CTNNA3: variants seen among roughly 807,000 people sequenced by gnomAD.
CTNNA3 encodes catenin alpha 3, also known as catenin alpha-3.
In CTNNA3, 76 loss-of-function variants were observed where a neutral mutation model predicts 95.7. The observed-to-expected ratio is 0.79, with a 90% CI of 0.66 to 0.96. The LOEUF is 0.96. Ranked by LOEUF, CTNNA3 falls within the 40% of genes least tolerant of loss-of-function variation. CTNNA3 has a pLI of 0.00. For missense variants in CTNNA3, 1,191 were observed against 1,089.8 expected, an observed-to-expected ratio of 1.09 and a Z score of -1.31; for synonymous variants, 431 against 374.4, an observed-to-expected ratio of 1.15 and a Z score of -1.74.
chr10:66,584,053 T>G (rs954086698), intron 10 of CTNNA3, among the ~76,000 whole-genome samples: 1 of 151,764 alleles, frequency 6.6e-6, no homozygotes, highest in Non-Finnish European at 1.5e-5. Context: ...AAACTTAATA[T>G]GATTTTGATT....
intron 5 of CTNNA3, among the ~76,000 whole-genome samples, chr10:67,226,989 C>T (rs937585439): frequency 6.6e-6 from 1 of 152,020 alleles, no homozygotes; most frequent in African/African-American, 2.4e-5. Flanking sequence ...CTGCTGCCTT[C>T]AGAAGACTCA....
At chr10:66,594,625 A>G (rs182485446) in intron 10 of CTNNA3, among the ~76,000 whole-genome samples, 5 of 152,196 alleles carry the variant, frequency 3.3e-5, no homozygotes, top group Admixed American at 2.0e-4. Flanking sequence ...TTTTTCCTTT[A>G]TGCTATAAAA....
chr10:67,339,728 T>G (rs1842111828), intron 5 of CTNNA3, among the ~76,000 whole-genome samples: 1 of 152,190 alleles, frequency 6.6e-6, no homozygotes, highest in Non-Finnish European at 1.5e-5. Flanking sequence ...TTGAAATAGC[T>G]GTTATTAAAA....
intron 5 of CTNNA3, among the ~76,000 whole-genome samples, chr10:67,414,975 A>G (rs78718944): frequency 5.3e-4 from 81 of 152,318 alleles, no homozygotes; most frequent in African/African-American, 1.9e-3. Context: ...TTCCTTCATT[A>G]TAAAAATCCT....
intron 13 of CTNNA3, among the ~76,000 whole-genome samples, chr10:66,261,207 T>C (rs555573908): frequency 1.2e-3 from 184 of 152,208 alleles, no homozygotes; most frequent in African/African-American, 4.4e-3. Flanking sequence ...TCAGCTTCTG[T>C]TGGGAATTTT....
chr10:66,564,997 T>C (rs1001641677), intron 10 of CTNNA3, among the ~76,000 whole-genome samples: 4 of 152,186 alleles, frequency 2.6e-5, no homozygotes, highest in Non-Finnish European at 4.4e-5. Flanking sequence ...CGTATGCATA[T>C]ACAGGAACGA....
intron 5 of CTNNA3, among the ~76,000 whole-genome samples, chr10:67,312,256 A>G (rs1840843715): frequency 6.6e-6 from 1 of 152,072 alleles, no homozygotes; most frequent in South Asian, 2.1e-4. Flanking sequence ...ACTTTTTGGT[A>G]GAGACGGGGT....
chr10:67,504,156 C>CA (rs1408049131), intron 5 of CTNNA3, among the ~76,000 whole-genome samples: 2,872 of 91,890 alleles, frequency 0.031, 56 homozygotes, highest in African/African-American at 0.074. Context: ...GACTCCGTCT[C>CA]AAAAAAAAAA....
intron 5 of CTNNA3, among the ~76,000 whole-genome samples, chr10:67,293,826 T>A (rs1004806246): frequency 3.9e-5 from 6 of 152,068 alleles, no homozygotes; most frequent in African/African-American, 1.4e-4. Context: ...TTCATCCATG[T>A]CCCTACAAAG....
intron 11 of CTNNA3, among the ~76,000 whole-genome samples, chr10:66,467,532 G>A (rs141699307): frequency 7.1e-4 from 108 of 152,054 alleles, no homozygotes; most frequent in Admixed American, 1.6e-3. Context: ...GTTTAAGAAC[G>A]GGCAAGTGCT....
intron 7 of CTNNA3, among the ~76,000 whole-genome samples, chr10:66,782,482 C>T (rs1840577167): frequency 6.6e-6 from 1 of 152,010 alleles, no homozygotes; most frequent in Non-Finnish European, 1.5e-5. Context: ...TTCTGACCCT[C>T]CTCAATTTTG....
At chr10:67,447,961 T>A (rs1846819234) in intron 5 of CTNNA3, among the ~76,000 whole-genome samples, 1 of 152,244 alleles carries the variant, frequency 6.6e-6, no homozygotes, top group Admixed American at 6.5e-5. Flanking sequence ...GCTATTAGAA[T>A]GAGCCACTTA....
At chr10:66,340,002 T>C (rs541180871) in intron 12 of CTNNA3, among the ~76,000 whole-genome samples, 1 of 151,794 alleles carries the variant, frequency 6.6e-6, no homozygotes, top group South Asian at 2.1e-4. Flanking sequence ...TGATACTTAT[T>C]TGACTTCATA....
At chr10:66,792,628 C>A (rs1841020091) in intron 7 of CTNNA3, among the ~76,000 whole-genome samples, 1 of 152,084 alleles carries the variant, frequency 6.6e-6, no homozygotes, top group Non-Finnish European at 1.5e-5. Flanking sequence ...GCACACAACT[C>A]TATACAATCC....
chr10:67,260,558 A>G lies in CTNNA3; in HGVS notation c.580-40688T>C, dbSNP rs16924298. The stretch of plus-strand genomic sequence containing the variant: ...CACCTAGAAATTCATTCTTCTATAG[A>G]TCCAAACCATTAGGCAAGAAGTGTC... On this transcript the variant is annotated intron_variant, in intron 5 of 17. Coordinates refer to ENST00000433211, the MANE Select transcript of CTNNA3 (RefSeq NM_013266.4). Among the ~76,000 whole-genome samples, 2,372 of 152,326 alleles carry G rather than the reference A, an allele frequency of 0.016. 193 individuals carry two copies. In the East Asian group the frequency reaches 0.26, roughly 17 times the overall value.
At chr10:66,248,074 C>T (rs935962243) in intron 13 of CTNNA3, among the ~76,000 whole-genome samples, 5 of 151,912 alleles carry the variant, frequency 3.3e-5, no homozygotes, top group Admixed American at 2.0e-4. Context: ...TACAAGAATA[C>T]ATAAAAACAT....
intron 7 of CTNNA3, among the ~76,000 whole-genome samples, chr10:66,973,517 C>A (rs915375655): frequency 5.9e-5 from 9 of 152,058 alleles, no homozygotes; most frequent in Non-Finnish European, 4.4e-5. Context: ...TTTAAGTATG[C>A]CCTTCTAAGT....
At chr10:67,575,097 T>C (rs1342285061) in intron 3 of CTNNA3, among the ~76,000 whole-genome samples, 1 of 152,182 alleles carries the variant, frequency 6.6e-6, no homozygotes, top group Non-Finnish European at 1.5e-5. Flanking sequence ...AGGGGAATGA[T>C]TTATGATGAA....
At chr10:67,520,542 G>C (rs963596064) in intron 5 of CTNNA3, among the ~76,000 whole-genome samples, 2 of 152,192 alleles carry the variant, frequency 1.3e-5, no homozygotes, top group East Asian at 1.9e-4. Context: ...TCCTCTGGGG[G>C]TTTGTTATAG....
Sources: gnomAD v4.1 joint callset for allele counts (sites outside exome capture counted in the v4.1 genomes callset) on GRCh38, gnomAD v4.1.1 for gene constraint, MANE v1.5 for transcripts, NCBI Gene and HGNC (gene_info 2026-07-23, HGNC 2026-07-21) for gene names.